Variants in MACROD2 observed in about 807,000 individuals in gnomAD.
MACROD2 encodes mono-ADP ribosylhydrolase 2, also known as ADP-ribose glycohydrolase MACROD2.
A neutral mutation model predicts 70.4 loss-of-function variants in MACROD2; 36 were observed. The observed-to-expected ratio is 0.51, with a 90% CI of 0.39 to 0.68. MACROD2 has a LOEUF of 0.68. MACROD2 is among the 30% of genes least tolerant of loss of function. The pLI, the probability that MACROD2 is intolerant of heterozygous loss-of-function variation, is 0.00. For synonymous variants in MACROD2, 172 were observed against 178.8 expected, an observed-to-expected ratio of 0.96 and a Z score of 0.30; for missense variants, 496 against 538.4, an observed-to-expected ratio of 0.92 and a Z score of 0.78.
At chr20:15,289,982 A>C (rs1302730907) in intron 6 of MACROD2, among the ~76,000 whole-genome samples, 1 of 152,238 alleles carries the variant, frequency 6.6e-6, no homozygotes. Context: ...AGTCTGAGCT[A>C]TTGGGAGGAG....
intron 5 of MACROD2, among the ~76,000 whole-genome samples, chr20:15,204,279 C>A (rs979254196): frequency 2.0e-5 from 3 of 152,102 alleles, no homozygotes; most frequent in Admixed American, 6.5e-5. Flanking sequence ...CTCATGAATT[C>A]TTTAATCGAG....
At chr20:14,537,709 C>G (rs2085382747) in intron 4 of MACROD2, among the ~76,000 whole-genome samples, 1 of 152,194 alleles carries the variant, frequency 6.6e-6, no homozygotes, top group Non-Finnish European at 1.5e-5. Flanking sequence ...ATGTCTACTT[C>G]TGTTTTCTCC....
chr20:15,377,170 A>G (rs980159729), intron 6 of MACROD2, among the ~76,000 whole-genome samples: 2 of 152,146 alleles, frequency 1.3e-5, no homozygotes, highest in South Asian at 2.1e-4. Flanking sequence ...GATTACAGGC[A>G]TAAGCCACCA....
At chr20:15,966,799 A>G (rs2066146582) in intron 12 of MACROD2, among the ~76,000 whole-genome samples, 1 of 152,118 alleles carries the variant, frequency 6.6e-6, no homozygotes, top group African/African-American at 2.4e-5. Flanking sequence ...AATGAGACCT[A>G]CTTGCTGTCT....
chr20:14,870,955 G>C (rs1416449277), intron 5 of MACROD2, among the ~76,000 whole-genome samples: 1 of 152,126 alleles, frequency 6.6e-6, no homozygotes, highest in Non-Finnish European at 1.5e-5. Context: ...AGTTTAATTA[G>C]ATCACATTTG....
At position 15,075,697 on chromosome 20, in the gene MACROD2, T is replaced by C. The variant is rs561734144; in HGVS notation, c.419-154243T>C. Among the ~76,000 whole-genome samples the C allele has an allele frequency of 9.2e-5, 14 of 152,290 alleles. 1 individual carries two copies. The South Asian group carries it at 2.5e-3, about 27-fold the overall frequency. Reference sequence around the variant, plus strand: ...GAGTAAACTCCTCCTTGTGTCTTTCTGTCCTAAATTGATTTAAACCTGCCC... The same window carrying C: ...GAGTAAACTCCTCCTTGTGTCTTTCCGTCCTAAATTGATTTAAACCTGCCC... On this transcript the variant is annotated intron_variant, in intron 5 of 17. Coordinates refer to ENST00000684519, the MANE Select transcript of MACROD2 (RefSeq NM_001351661.2).
At chr20:14,078,885 G>T (rs904419265) in intron 2 of MACROD2, among the ~76,000 whole-genome samples, 9 of 151,970 alleles carry the variant, frequency 5.9e-5, no homozygotes, top group Non-Finnish European at 8.8e-5. Flanking sequence ...TATTTGTATG[G>T]GTAAATATTA....
chr20:14,623,490 A>G (rs1983952226), intron 4 of MACROD2, among the ~76,000 whole-genome samples: 1 of 152,162 alleles, frequency 6.6e-6, no homozygotes, highest in South Asian at 2.1e-4. Flanking sequence ...TGATTCTTGA[A>G]AGCTTGGTAA....
chr20:15,312,743 G>A (rs1271291638), intron 6 of MACROD2, among the ~76,000 whole-genome samples: 10 of 152,076 alleles, frequency 6.6e-5, no homozygotes, highest in East Asian at 1.9e-4. Context: ...ACTTGGAGGT[G>A]TTTTAGGAAG....
intron 2 of MACROD2, among the ~76,000 whole-genome samples, chr20:14,028,578 T>C (rs2053207383): frequency 6.6e-6 from 1 of 152,204 alleles, no homozygotes; most frequent in African/African-American, 2.4e-5. Context: ...TCTGCTGGTC[T>C]GCAGGTTGCG....
intron 3 of MACROD2, among the ~76,000 whole-genome samples, chr20:14,235,719 A>G (rs754679634): frequency 7.2e-5 from 11 of 152,168 alleles, no homozygotes; most frequent in Non-Finnish European, 1.2e-4. Flanking sequence ...TCATTTAACT[A>G]CTTGAATTTG....
At chr20:16,020,446 GA>G (rs1354980750) in intron 15 of MACROD2, among the ~76,000 whole-genome samples, 2 of 151,740 alleles carry the variant, frequency 1.3e-5, no homozygotes, top group Non-Finnish European at 2.9e-5. Context: ...TACTAATTCA[GA>G]ATAATCCTTA....
chr20:14,963,207 A>C (rs1196910620), intron 5 of MACROD2, among the ~76,000 whole-genome samples: 3 of 152,162 alleles, frequency 2.0e-5, no homozygotes, highest in Non-Finnish European at 4.4e-5. Context: ...GTAGTAGTAC[A>C]GCAGCATCCA....
At chr20:15,220,199 T>C (rs2076847241) in intron 5 of MACROD2, among the ~76,000 whole-genome samples, 1 of 152,222 alleles carries the variant, frequency 6.6e-6, no homozygotes, top group South Asian at 2.1e-4. Flanking sequence ...TATAACTAGA[T>C]GCCATTGCTT....
At chr20:15,714,789 T>A (rs2050683654) in intron 8 of MACROD2, among the ~76,000 whole-genome samples, 1 of 152,076 alleles carries the variant, frequency 6.6e-6, no homozygotes, top group African/African-American at 2.4e-5. Flanking sequence ...ATATACTTTT[T>A]TATTCCTACT....
chr20:15,974,375 G>A (rs914663767), intron 13 of MACROD2, among the ~76,000 whole-genome samples: 2 of 152,150 alleles, frequency 1.3e-5, no homozygotes, highest in Non-Finnish European at 2.9e-5. Context: ...GAAAAGACAT[G>A]TAGGAAACTT....
chr20:14,913,484 C>T (rs1164469409), intron 5 of MACROD2, among the ~76,000 whole-genome samples: 2 of 151,954 alleles, frequency 1.3e-5, no homozygotes, highest in African/African-American at 4.8e-5. Flanking sequence ...GCCAGGAGTT[C>T]AAGACCAGCC....
intron 6 of MACROD2, among the ~76,000 whole-genome samples, chr20:15,243,366 A>C (rs1428670461): frequency 2.0e-5 from 3 of 152,192 alleles, no homozygotes; most frequent in Non-Finnish European, 4.4e-5. Context: ...GAGGCAAAAT[A>C]CCTTGCTTCA....
intron 6 of MACROD2, among the ~76,000 whole-genome samples, chr20:15,402,257 G>A (rs144294798): frequency 1.2e-4 from 19 of 152,286 alleles, no homozygotes; most frequent in African/African-American, 4.3e-4. Context: ...AACCTGGCTT[G>A]TTGAAGGTTC....
Sources: gnomAD v4.1 joint callset for allele counts (sites outside exome capture counted in the v4.1 genomes callset) on GRCh38, gnomAD v4.1.1 for gene constraint, MANE v1.5 for transcripts, NCBI Gene and HGNC (gene_info 2026-07-23, HGNC 2026-07-21) for gene names.